Variants in RBP2 observed in about 807,000 individuals in gnomAD.
RBP2 encodes the protein retinol binding protein 2.
A neutral mutation model predicts 17.0 loss-of-function variants in RBP2; 17 were observed. The observed-to-expected ratio is 1.00, with a 90% CI of 0.68 to 1.50. The LOEUF is 1.50. Ranked by LOEUF, RBP2 falls within the 40% of genes most tolerant of loss-of-function variation. The pLI is 0.00. For synonymous variants in RBP2, 48 were observed against 57.1 expected (o/e 0.84, Z 0.72); for missense variants, 158 against 168.2 (o/e 0.94, Z 0.33).
At chr3:139,464,093 G>C (rs1467739645) in intron 1 of RBP2, among the ~76,000 whole-genome samples, 6 of 152,174 alleles carry the variant, frequency 3.9e-5, no homozygotes, top group South Asian at 2.1e-4. Context: ...CGACTCTGCT[G>C]TCTTCCCATG....
Position 139,471,339 on chromosome 3 carries a change from G to T in RBP2, c.73+5048C>A, listed in dbSNP as rs181464171. On this transcript the variant is annotated intron_variant, in intron 1 of 3. Transcript: ENST00000232217. ...GCAGGCTCTTAAATGGTCAAGATGA[G>T]ATTTTGCACAAGACACATATTCGGG... Among the ~76,000 whole-genome samples the T allele has an allele frequency of 1.4e-3, 210 of 152,336 alleles. 4 individuals are homozygous for T. The East Asian group carries it at 0.031, about 23-fold the overall frequency.
chr3:139,458,684 C>G (rs767067567), intron 2 of RBP2, among the ~76,000 whole-genome samples: 1 of 152,120 alleles, frequency 6.6e-6, no homozygotes, highest in Non-Finnish European at 1.5e-5. Context: ...CTGTTCTGGA[C>G]GTCTCACATA....
At chr3:139,466,725 C>G (rs1056920386) in intron 1 of RBP2, 4 of 152,232 alleles carry the variant, frequency 2.6e-5, no homozygotes, top group African/African-American at 7.2e-5. Context: ...CAGTGGCTGG[C>G]AGCCTGTGAT....
In RBP2 at chr3:139,454,771, GT is replaced by G; in HGVS notation, c.311del (p.Asn104ThrfsTer17). 1 of 1,614,180 alleles carries G rather than the reference GT, an allele frequency of 6.2e-7. No individual in the cohort carries two copies. Among genetic ancestry groups the G allele is most frequent in the Non-Finnish European group, 8.5e-7 (1 of 1,180,028 alleles). ...CCTCAATCCACTGCTTCCAGCCGCGGTTCTCCTTCTCCCCCTTTTGCACACA... is the reference window on the plus strand; with the variant it reads ...CCTCAATCCACTGCTTCCAGCCGCGGTCTCCTTCTCCCCCTTTTGCACACA... ...LVCVQKGEKENRGWKQWIEGD... is the reference protein window; with the variant it reads ...LVCVQKGEKEXRGWKQWIEGD... On this transcript the variant is annotated frameshift_variant, in exon 3 of 4. Coordinates refer to ENST00000232217, the MANE Select transcript of RBP2 (RefSeq NM_004164.3). LOFTEE classifies it high-confidence loss of function.
chr3:139,459,705 G>T (rs558949630), intron 2 of RBP2, among the ~76,000 whole-genome samples: 17 of 152,004 alleles, frequency 1.1e-4, no homozygotes, highest in Admixed American at 3.9e-4. Flanking sequence ...GGGTTCCAGT[G>T]AAGTTACAGG....
chr3:139,459,400 A>ATATATGTGTGTGTGTGTGTGTGTG (rs111417242), intron 2 of RBP2, among the ~76,000 whole-genome samples: 3 of 128,560 alleles, frequency 2.3e-5, no homozygotes, highest in Admixed American at 1.7e-4. Flanking sequence ...TACTATATAT[A>ATATATGTGTGTGTGTGTGTGTGTG]TGTGTGTGTG....
intron 2 of RBP2, among the ~76,000 whole-genome samples, chr3:139,461,573 TA>T (rs1559805548): frequency 6.6e-6 from 1 of 151,980 alleles, no homozygotes; most frequent in East Asian, 1.9e-4. Flanking sequence ...CATTCTTTTC[TA>T]AAAAAATGAA....
chr3:139,452,974 G>T lies in RBP2; in HGVS notation c.*142C>A. The stretch of plus-strand genomic sequence containing the variant: ...GAATATGTCTATCACTGCTACATAG[G>T]CATTCTGTTTAAAACCCACCCAGAT... On this transcript the variant is annotated 3_prime_UTR_variant, in exon 4 of 4. Transcript: ENST00000232217. The T allele has an allele frequency of 2.4e-6, 2 of 825,906 alleles. No individual in the cohort carries two copies. The highest frequency in any genetic ancestry group is 2.0e-6 in the Non-Finnish European group (1 of 492,098). 51.2% of individuals were successfully genotyped at this position (825,906 alleles called of 1,614,324 possible).
At chr3:139,473,067 C>T (rs944807931) in intron 1 of RBP2, among the ~76,000 whole-genome samples, 7 of 152,184 alleles carry the variant, frequency 4.6e-5, no homozygotes, top group African/African-American at 1.7e-4. Context: ...ATTCCTTCAT[C>T]GCCTGATCTG....
At chr3:139,453,880 C>T (rs1943352647) in intron 3 of RBP2, among the ~76,000 whole-genome samples, 2 of 152,010 alleles carry the variant, frequency 1.3e-5, no homozygotes, top group Admixed American at 1.3e-4. Flanking sequence ...TAGGGAAAGC[C>T]ATCAATGCAA....
chr3:139,462,558 AACACACACACACACAC>A (rs59601422), intron 1 of RBP2, among the ~76,000 whole-genome samples: 2 of 121,344 alleles, frequency 1.6e-5, no homozygotes, highest in Non-Finnish European at 3.3e-5. Context: ...GCAGCTCCCC[AACACACACACACACAC>A]ACACACACAC....
chr3:139,476,195 A>G (rs563428447), intron 1 of RBP2, among the ~76,000 whole-genome samples, 192 bp downstream of exon 1: 2 of 152,074 alleles, frequency 1.3e-5, no homozygotes, highest in African/African-American at 4.8e-5. Flanking sequence ...CTCATTTATC[A>G]TTATTCCCAG....
intron 2 of RBP2, among the ~76,000 whole-genome samples, chr3:139,458,608 G>A (rs1559804581): frequency 6.6e-6 from 1 of 152,150 alleles, no homozygotes; most frequent in Non-Finnish European, 1.5e-5. Flanking sequence ...CTATGTACTA[G>A]CAATCACCAT....
At position 139,453,931 on chromosome 3, in the gene RBP2, C is replaced by T. The variant is rs190081487; in HGVS notation, c.355-765G>A. 3.6e-3 allele frequency among the ~76,000 whole-genome samples: 543 copies of T among 152,262 alleles called. 1 individual carries two copies. The highest frequency in any genetic ancestry group is 6.4e-3 in the Non-Finnish European group (435 of 68,034). ...TCCCATATATCATTAGCTGACATTG[C>T]CTTCAAAATAAAGATCTCAGGTGAA... On this transcript the variant is annotated intron_variant, in intron 3 of 3. Coordinates refer to ENST00000232217, the MANE Select transcript of RBP2 (RefSeq NM_004164.3).
At chr3:139,462,659 A>C (rs2107872953) in intron 1 of RBP2, among the ~76,000 whole-genome samples, 1 of 152,078 alleles carries the variant, frequency 6.6e-6, no homozygotes, top group African/African-American at 2.4e-5. Context: ...TGCTGAACAA[A>C]AAGATCTCAT....
At chr3:139,465,465 A>G (rs1297430017) in intron 1 of RBP2, among the ~76,000 whole-genome samples, 1 of 152,148 alleles carries the variant, frequency 6.6e-6, no homozygotes, top group East Asian at 1.9e-4. Flanking sequence ...AAACTGCCTC[A>G]GAGAAGTTGT....
At chr3:139,456,068 A>G (rs555610383) in intron 2 of RBP2, among the ~76,000 whole-genome samples, 2 of 152,320 alleles carry the variant, frequency 1.3e-5, no homozygotes, top group East Asian at 1.9e-4. Context: ...TGAGATGATT[A>G]TGTCATTCCC....
intron 1 of RBP2, among the ~76,000 whole-genome samples, chr3:139,470,350 C>T (rs1319107702): frequency 6.6e-6 from 1 of 152,066 alleles, no homozygotes; most frequent in Non-Finnish European, 1.5e-5. Flanking sequence ...AAAATATATG[C>T]TGAATCTGTC....
intron 1 of RBP2, among the ~76,000 whole-genome samples, chr3:139,470,434 C>A (rs1241370864): frequency 6.6e-6 from 1 of 152,096 alleles, no homozygotes; most frequent in Non-Finnish European, 1.5e-5. Flanking sequence ...ACACAGCAGC[C>A]TCCTAATGGG....
Sources: allele counts gnomAD v4.1 joint callset (sites outside exome capture counted in the v4.1 genomes callset), GRCh38; gene constraint gnomAD v4.1.1; transcripts MANE v1.5; gene names NCBI Gene and HGNC (gene_info 2026-07-23, HGNC 2026-07-21).